Variants in SRFBP1 observed in about 807,000 individuals in gnomAD.
The protein encoded by SRFBP1 is serum response factor binding protein 1.
Under a neutral mutation model 45.5 loss-of-function variants are expected in SRFBP1, and 47 were observed. That is an observed-to-expected ratio of 1.03 (90% confidence interval 0.82 to 1.32). The LOEUF (loss-of-function observed/expected upper bound fraction) is 1.32. Among genes scored for constraint, SRFBP1 ranks in the 40% most tolerant of loss-of-function variants. The probability of loss-of-function intolerance (pLI) is 0.00; values close to 1 mark genes in which losing one functional copy is unlikely to be tolerated. For missense variants in SRFBP1, 621 were observed against 484.6 expected (o/e 1.28, Z -2.64); for synonymous variants, 203 against 166.3 (o/e 1.22, Z -1.70).
At chr5:121,986,142 CAAAG>C (rs1016282177) in intron 3 of SRFBP1, among the ~76,000 whole-genome samples, 2 of 151,658 alleles carry the variant, frequency 1.3e-5, no homozygotes, top group African/African-American at 4.8e-5. Context: ...GCAAAGGAGA[CAAAG>C]AAAAATAACC....
chr5:122,021,915 C>A (rs182000637), intron 6 of SRFBP1, among the ~76,000 whole-genome samples: 1 of 151,104 alleles, frequency 6.6e-6, no homozygotes, highest in Non-Finnish European at 1.5e-5. Flanking sequence ...CGGTTAGTGT[C>A]GAACTCCTGA....
At chr5:122,058,529 AGTGTGTGTGTGT>A (rs147926229) in intron 2 of SRFBP1, among the ~76,000 whole-genome samples, 1,617 of 142,336 alleles carry the variant, frequency 0.011, 30 homozygotes, top group East Asian at 0.056. Flanking sequence ...ACAATGAGAT[AGTGTGTGTGTGT>A]GTGTGTGTGT....
At chr5:122,032,494 T>C (rs1272805779), downstream of SRFBP1, among the ~76,000 whole-genome samples, 1 of 151,692 alleles carries the variant, frequency 6.6e-6, no homozygotes, top group Non-Finnish European at 1.5e-5. Flanking sequence ...TTTTCTTACC[T>C]CATATTCTTT....
chr5:121,981,483 T>C (rs1752406491), intron 3 of SRFBP1, among the ~76,000 whole-genome samples: 2 of 151,890 alleles, frequency 1.3e-5, no homozygotes, highest in South Asian at 2.1e-4. Context: ...CTGAATGATA[T>C]ACAAGACCCT....
At chr5:122,046,041 T>C (rs1204262285) in intron 2 of SRFBP1, among the ~76,000 whole-genome samples, 1 of 152,080 alleles carries the variant, frequency 6.6e-6, no homozygotes, top group African/African-American at 2.4e-5. Flanking sequence ...CAATGCCTAG[T>C]TTATTGAGGA....
At chr5:122,069,710 G>A (rs112725203) in intron 2 of SRFBP1, among the ~76,000 whole-genome samples, 105 of 152,066 alleles carry the variant, frequency 6.9e-4, no homozygotes, top group African/African-American at 2.0e-3. Context: ...GCGAGGAAGG[G>A]GCCAAGAAGC....
chr5:121,966,216 A>G (rs571768399), intron 1 of SRFBP1, among the ~76,000 whole-genome samples: 4 of 152,320 alleles, frequency 2.6e-5, no homozygotes, highest in South Asian at 4.1e-4. Flanking sequence ...AGAACTTCCA[A>G]TACTAAGTAT....
chr5:121,998,139 A>G (rs1162909976), intron 4 of SRFBP1, among the ~76,000 whole-genome samples: 1 of 150,510 alleles, frequency 6.6e-6, no homozygotes, highest in Non-Finnish European at 1.5e-5. Flanking sequence ...TAGAAATACC[A>G]TTTGACCCAG....
intron 5 of SRFBP1, 54 bp downstream of exon 5, chr5:122,019,395 A>G (rs1753255496): frequency 3.0e-6 from 4 of 1,349,386 alleles, no homozygotes; most frequent in African/African-American, 1.5e-5. Flanking sequence ...TAGACTTTGG[A>G]TAATGGCTAT....
intron 1 of SRFBP1, among the ~76,000 whole-genome samples, chr5:121,968,760 ATTTG>A (rs1334487492): frequency 6.6e-6 from 1 of 152,078 alleles, no homozygotes; most frequent in Non-Finnish European, 1.5e-5. Flanking sequence ...CCAGCAGTGT[ATTTG>A]TCTGTTTCCT....
chr5:121,998,685 C>G (rs1752788783), intron 4 of SRFBP1, among the ~76,000 whole-genome samples: 2 of 150,578 alleles, frequency 1.3e-5, no homozygotes, highest in African/African-American at 4.9e-5. Flanking sequence ...AACTAAGATG[C>G]TTTATTACTT....
intron 4 of SRFBP1, among the ~76,000 whole-genome samples, chr5:121,997,579 CATT>C (rs1256021941): frequency 3.3e-5 from 5 of 151,534 alleles, no homozygotes; most frequent in Non-Finnish European, 7.4e-5. Context: ...AAAACCTAGG[CATT>C]ACCATTCAGG....
chr5:121,963,875 A>G (rs1299887543), intron 1 of SRFBP1, among the ~76,000 whole-genome samples: 1 of 152,212 alleles, frequency 6.6e-6, no homozygotes, highest in Admixed American at 6.5e-5. Context: ...AAACCCACAA[A>G]AGGAAAGAGA....
In SRFBP1 at chr5:121,990,561, T is replaced by G. The variant is rs571611173; in HGVS notation, c.199-4038T>G. Reference sequence around the variant, plus strand: ...TGTAACAAATCTGTACATGTACCCTTGTATCTAAAATAAAAGTTGGGAAAA... The same window carrying G: ...TGTAACAAATCTGTACATGTACCCTGGTATCTAAAATAAAAGTTGGGAAAA... On this transcript the variant is annotated intron_variant, in intron 3 of 7. Coordinates refer to ENST00000339397, the MANE Select transcript of SRFBP1 (RefSeq NM_152546.3). Among the ~76,000 whole-genome samples, 30 of 152,268 alleles carry G rather than the reference T, an allele frequency of 2.0e-4. 1 individual carries two copies. Among genetic ancestry groups the G allele is most frequent in the African/African-American group, 7.2e-4 (30 of 41,558 alleles).
intron 4 of SRFBP1, among the ~76,000 whole-genome samples, chr5:122,011,835 C>T (rs1580525191): frequency 6.6e-6 from 1 of 151,784 alleles, no homozygotes; most frequent in East Asian, 1.9e-4. Flanking sequence ...TGCAGTAACC[C>T]AGTGCAGTAA....
At chr5:122,001,908 T>C (rs1752881513) in intron 4 of SRFBP1, among the ~76,000 whole-genome samples, 1 of 152,156 alleles carries the variant, frequency 6.6e-6, no homozygotes. Context: ...CAAGAAAATA[T>C]AAGAGATAAT....
At chr5:121,970,460 A>G (rs550328203) in intron 1 of SRFBP1, among the ~76,000 whole-genome samples, 12 of 152,164 alleles carry the variant, frequency 7.9e-5, no homozygotes, top group Admixed American at 2.0e-4. Flanking sequence ...ATCGCTTGCT[A>G]TTAGTTTATT....
chr5:122,056,058 T>C (rs1754072346), intron 2 of SRFBP1, among the ~76,000 whole-genome samples: 1 of 152,170 alleles, frequency 6.6e-6, no homozygotes, highest in African/African-American at 2.4e-5. Context: ...GTGAAAAAAT[T>C]AGAGAACCTT....
intron 3 of SRFBP1, among the ~76,000 whole-genome samples, chr5:121,987,257 C>A (rs1752536708): frequency 1.3e-5 from 2 of 151,984 alleles, no homozygotes; most frequent in African/African-American, 4.8e-5. Context: ...AAGGGACTCC[C>A]AGTATCACAT....
Sources: allele counts gnomAD v4.1 joint callset (sites outside exome capture counted in the v4.1 genomes callset), GRCh38; gene constraint gnomAD v4.1.1; transcripts MANE v1.5; gene names NCBI Gene and HGNC (gene_info 2026-07-23, HGNC 2026-07-21).